PAM: variants seen among roughly 807,000 people sequenced by gnomAD.
PAM encodes peptidyl-glycine alpha-amidating monooxygenase.
PAM carries 72 observed loss-of-function variants against 122.1 expected under a neutral mutation model. The observed-to-expected ratio is 0.59, with a 90% CI of 0.49 to 0.72. The LOEUF (loss-of-function observed/expected upper bound fraction) is 0.72, where lower values mean the gene tolerates loss of function less well. Ranked by LOEUF, PAM falls within the 30% of genes least tolerant of loss-of-function variation. The pLI is 0.00. For missense variants in PAM, 1,106 were observed against 1,183.7 expected (o/e 0.93, Z 0.96); for synonymous variants, 389 against 404.4 (o/e 0.96, Z 0.46).
intron 1 of PAM, among the ~76,000 whole-genome samples, chr5:102,788,472 G>C (rs1172486492): frequency 1.3e-5 from 2 of 151,936 alleles, no homozygotes; most frequent in East Asian, 3.9e-4. Flanking sequence ...CTCCTCAGCT[G>C]GTCAGTAATT....
chr5:102,815,840 G>A (rs2150252809), intron 1 of PAM, among the ~76,000 whole-genome samples: 1 of 152,258 alleles, frequency 6.6e-6, no homozygotes, highest in East Asian at 1.9e-4. Context: ...AGTTGGAAGA[G>A]TAACTGATTT....
intron 1 of PAM, among the ~76,000 whole-genome samples, chr5:102,776,519 G>A (rs879397785): frequency 2.0e-5 from 3 of 152,072 alleles, no homozygotes; most frequent in African/African-American, 4.8e-5. Flanking sequence ...TATATAAGGT[G>A]TGAGGAAGGG....
At chr5:102,969,206 C>T (rs1234354553) in intron 14 of PAM, among the ~76,000 whole-genome samples, 2 of 151,468 alleles carry the variant, frequency 1.3e-5, no homozygotes, top group Non-Finnish European at 2.9e-5. Flanking sequence ...CCTGCACATT[C>T]TGCACATGTA....
intron 7 of PAM, among the ~76,000 whole-genome samples, chr5:102,940,643 A>C (rs1754892569): frequency 6.6e-6 from 1 of 152,040 alleles, no homozygotes; most frequent in African/African-American, 2.4e-5. Flanking sequence ...ACCAAGTATA[A>C]TATTTAAAAC....
intron 1 of PAM, among the ~76,000 whole-genome samples, chr5:102,837,133 A>C (rs529000796): frequency 6.6e-6 from 1 of 152,300 alleles, no homozygotes; most frequent in South Asian, 2.1e-4. Flanking sequence ...AGATAGTGAG[A>C]TTGACATTGC....
At chr5:102,804,723 G>A (rs997741379) in intron 1 of PAM, among the ~76,000 whole-genome samples, 1 of 152,190 alleles carries the variant, frequency 6.6e-6, no homozygotes, top group African/African-American at 2.4e-5. Context: ...AGGCTAAGCT[G>A]TATCAGGATT....
chr5:102,950,706 CT>C lies in PAM; in HGVS notation c.802-6del, dbSNP rs1434620159. The stretch of plus-strand genomic sequence containing the variant: ...AATATTAATGATTCATTGTGTTTGT[CT>C]TTTTGGTAGGCTTTCTACCCTGTGG... On this transcript the variant is annotated splice_polypyrimidine_tract_variant and intron_variant, in intron 11 of 25. Transcript: ENST00000438793. 22 of 1,535,578 alleles carry C rather than the reference CT, an allele frequency of 1.4e-5. No individual in the cohort carries two copies. The highest frequency in any genetic ancestry group is 2.0e-5 in the Non-Finnish European group (22 of 1,110,122).
chr5:102,812,042 G>A (rs1199881984), intron 1 of PAM, among the ~76,000 whole-genome samples: 2 of 152,172 alleles, frequency 1.3e-5, no homozygotes, highest in Admixed American at 1.3e-4. Context: ...TTTAGAAACA[G>A]AAGGGTAATA....
At chr5:102,959,643 T>C (rs1280209184) in intron 12 of PAM, among the ~76,000 whole-genome samples, 1 of 152,056 alleles carries the variant, frequency 6.6e-6, no homozygotes, top group Non-Finnish European at 1.5e-5. Flanking sequence ...TATTTAGTAG[T>C]GTTCATGGTG....
chr5:102,841,406 TACAC>T (rs35825092), intron 1 of PAM, among the ~76,000 whole-genome samples: 8,089 of 138,436 alleles, frequency 0.058, 248 homozygotes, highest in South Asian at 0.14. Flanking sequence ...CACCTACAAA[TACAC>T]ACACACACAC....
At chr5:103,023,199 CA>C (rs1230050461) in intron 23 of PAM, among the ~76,000 whole-genome samples, 2 of 152,082 alleles carry the variant, frequency 1.3e-5, no homozygotes. Flanking sequence ...GTATCATCCA[CA>C]GTTCCTTCCA....
chr5:102,994,011 G>A (rs1280375477), intron 16 of PAM, among the ~76,000 whole-genome samples: 3 of 152,092 alleles, frequency 2.0e-5, no homozygotes, highest in East Asian at 3.8e-4. Context: ...GAAGCAATGG[G>A]CTGACAGTGG....
intron 16 of PAM, among the ~76,000 whole-genome samples, chr5:102,999,084 C>G (rs148060146): frequency 1.2e-4 from 19 of 152,274 alleles, no homozygotes; most frequent in Non-Finnish European, 2.5e-4. Context: ...TATAAAACCA[C>G]CAGATCGCAT....
intron 1 of PAM, among the ~76,000 whole-genome samples, chr5:102,828,605 C>A (rs891157974): frequency 6.6e-6 from 1 of 152,106 alleles, no homozygotes; most frequent in East Asian, 1.9e-4. Context: ...TAATACACAT[C>A]TAGGGCAGTA....
intron 1 of PAM, among the ~76,000 whole-genome samples, chr5:102,812,598 T>G (rs79009934): frequency 0.014 from 2,106 of 152,236 alleles, 53 homozygotes; most frequent in African/African-American, 0.048. Flanking sequence ...CTTGTGAAAA[T>G]TACATTTCTT....
At chr5:102,882,633 G>GTA (rs1165871493) in intron 3 of PAM, among the ~76,000 whole-genome samples, 3 of 152,068 alleles carry the variant, frequency 2.0e-5, no homozygotes, top group African/African-American at 7.2e-5. Context: ...TTTGTCAAAT[G>GTA]TATAGATTGT....
At chr5:102,864,008 C>T (rs1000434628) in intron 1 of PAM, among the ~76,000 whole-genome samples, 4 of 150,958 alleles carry the variant, frequency 2.6e-5, no homozygotes, top group Admixed American at 6.6e-5. Context: ...ATATTTTTTT[C>T]AAAGGCTAGT....
intron 3 of PAM, among the ~76,000 whole-genome samples, chr5:102,901,104 A>G (rs1797695652): frequency 6.6e-6 from 1 of 151,602 alleles, no homozygotes; most frequent in Non-Finnish European, 1.5e-5. Flanking sequence ...CTTAGAGAGT[A>G]TTAGAAATAT....
At chr5:102,910,271 ATTTTG>A (rs1800979227) in intron 4 of PAM, among the ~76,000 whole-genome samples, 2 of 151,890 alleles carry the variant, frequency 1.3e-5, no homozygotes, top group Non-Finnish European at 2.9e-5. Context: ...ATGAGGAGAA[ATTTTG>A]CTTAGAACTC....
Sources: allele counts gnomAD v4.1 joint callset (sites outside exome capture counted in the v4.1 genomes callset), GRCh38; gene constraint gnomAD v4.1.1; transcripts MANE v1.5; gene names NCBI Gene and HGNC (gene_info 2026-07-23, HGNC 2026-07-21).